Variants in KIF18A observed in about 807,000 individuals in gnomAD.
The protein encoded by KIF18A is kinesin family member 18A.
A neutral mutation model predicts 103.3 loss-of-function variants in KIF18A; 67 were observed. The observed-to-expected ratio is 0.65, with a 90% CI of 0.53 to 0.79. The LOEUF (loss-of-function observed/expected upper bound fraction) is 0.79. KIF18A is among the 30% of genes least tolerant of loss of function. The pLI, the probability that KIF18A is intolerant of heterozygous loss-of-function variation, is 0.00. For synonymous variants in KIF18A, 367 were observed against 355.5 expected, an observed-to-expected ratio of 1.03 and a Z score of -0.36; for missense variants, 1,032 against 1,062.5, an observed-to-expected ratio of 0.97 and a Z score of 0.40.
chr11:28,023,400 C>A (rs1044529238), intron 16 of KIF18A, among the ~76,000 whole-genome samples: 14 of 152,034 alleles, frequency 9.2e-5, no homozygotes, highest in African/African-American at 2.7e-4. Flanking sequence ...AGTTTATCTG[C>A]AAAATACACT....
At chr11:28,090,797 C>T in intron 4 of KIF18A, 70 bp from the exon 5 acceptor site, 1 of 731,280 alleles carries the variant, frequency 1.4e-6, no homozygotes, top group East Asian at 2.7e-5. Context: ...AATAAATGTT[C>T]AAAAAACAAA....
chr11:28,069,352 C>T lies in KIF18A; in HGVS notation c.1497G>A (p.Glu499=), dbSNP rs766790485. The T allele has an allele frequency of 1.9e-6, 3 of 1,613,414 alleles. No individual in the cohort carries two copies. The highest frequency in any genetic ancestry group is 2.2e-5 in the South Asian group (2 of 91,062). ...TRRSYLEKRR[E]EELKQFDENT... ...TCTCATCAAATTGCTTCAATTCCTC[C>T]TCCCTCCTTTTCTCCAGGTAGGAGC... Residue 499 remains glutamate (E), a synonymous_variant, in exon 11 of 17, where the codon GAG becomes GAA. Coordinates refer to ENST00000263181, the MANE Select transcript of KIF18A (RefSeq NM_031217.4).
At chr11:28,050,854 A>G (rs962855776) in intron 13 of KIF18A, among the ~76,000 whole-genome samples, 2 of 151,878 alleles carry the variant, frequency 1.3e-5, no homozygotes, top group African/African-American at 4.8e-5. Context: ...TAAAGATTTC[A>G]CGTCAAATAA....
At position 28,097,628 on chromosome 11, in the gene KIF18A, C is replaced by A. The variant is rs778814516; in HGVS notation, c.320G>T (p.Cys107Phe). ...ILRSFLNGYN[C>F]TVLAYGATGA... is the part of the protein sequence containing the mutation. ...TCCCAAATTGAAACAAATACCTGTG[C>A]AATTATATCCATTCAAAAAACTACG... Residue 107 changes from cysteine to phenylalanine, a missense_variant, in exon 2 of 17, where the codon TGC becomes TTC. Transcript: ENST00000263181. 1 of 1,582,584 alleles carries A rather than the reference C, an allele frequency of 6.3e-7. No individual in the cohort carries two copies. Among genetic ancestry groups the A allele is most frequent in the African/African-American group, 1.3e-5 (1 of 74,374 alleles).
rs540056118 is a variant in KIF18A at position 28,037,887 on chromosome 11, C to T, written c.1949-1223G>A. Among the ~76,000 whole-genome samples the T allele has an allele frequency of 3.3e-5, 5 of 151,544 alleles. No homozygotes were observed. The East Asian group carries it at 9.7e-4, about 29-fold the overall frequency. On this transcript the variant is annotated intron_variant, in intron 13 of 16. Coordinates refer to ENST00000263181, the MANE Select transcript of KIF18A (RefSeq NM_031217.4). ...TCTTCTTCCATCTAGTAAATGTACA[C>T]ATTTCCCTAAGGAGCTGTACTTGAC... is the stretch of plus-strand genomic sequence containing the variant.
intron 15 of KIF18A, among the ~76,000 whole-genome samples, chr11:28,028,477 C>A (rs1326156275): frequency 6.6e-6 from 1 of 151,908 alleles, no homozygotes; most frequent in African/African-American, 2.4e-5. Context: ...TCTTTGAAAC[C>A]AACGAGAACA....
rs538418849 is a variant in KIF18A, at chr11:28,076,940, A to G, written c.1425+67T>C. 1,425 of 791,892 alleles carry G rather than the reference A, an allele frequency of 1.8e-3. 2 individuals are homozygous for G. The highest frequency in any genetic ancestry group is 2.7e-3 in the Admixed American group (67 of 25,000). 49.1% of individuals were successfully genotyped at this position (791,892 alleles called of 1,614,324 possible). ...CAGAAGAAGAGACTCCTTCTGAAAA[A>G]AAAAAAAAAAAAAAAGCCCCCATGT... On this transcript the variant is annotated intron_variant, in intron 10 of 16. Transcript: ENST00000263181.
chr11:28,106,330 C>G (rs1377716411), intron 1 of KIF18A, among the ~76,000 whole-genome samples: 1 of 152,072 alleles, frequency 6.6e-6, no homozygotes, highest in Non-Finnish European at 1.5e-5. Flanking sequence ...AAACTCAAAC[C>G]TGAATTAGAT....
chr11:28,063,553 TAA>T, intron 11 of KIF18A, among the ~76,000 whole-genome samples: 1 of 152,126 alleles, frequency 6.6e-6, no homozygotes, highest in South Asian at 2.1e-4. Flanking sequence ...ATCTACCACC[TAA>T]AGTTACTTGT....
chr11:28,061,454 A>G (rs1487177951), intron 12 of KIF18A, among the ~76,000 whole-genome samples: 2 of 152,206 alleles, frequency 1.3e-5, no homozygotes, highest in Admixed American at 6.5e-5. Flanking sequence ...AAGATAGTAT[A>G]TTCATCTGGG....
chr11:28,048,666 T>G (rs1308480533), intron 13 of KIF18A, among the ~76,000 whole-genome samples: 1 of 152,118 alleles, frequency 6.6e-6, no homozygotes, highest in Admixed American at 6.6e-5. Flanking sequence ...AAATATTTAT[T>G]GCTAAGACAG....
Position 28,036,296 on chromosome 11 carries a change from A to G in KIF18A, c.2317T>C (p.Cys773Arg). The change falls in exon 14 of 17, where the codon TGT (cysteine) becomes CGT (arginine). Residue 773 changes from cysteine to arginine, a missense_variant. Physicochemically the swap from Cys to Arg is radical, Grantham distance 180. Coordinates refer to ENST00000263181, the MANE Select transcript of KIF18A (RefSeq NM_031217.4). ...QEDLDSTFTI[C>R]EDIKSSKCKL... The stretch of plus-strand genomic sequence containing the variant: ...CACTTCGAGCTCTTGATGTCTTCAC[A>G]TATAGTAAATGTAGAGTCCAAGTCC... The G allele has an allele frequency of 3.7e-6, 6 of 1,610,634 alleles. No individual in the cohort carries two copies. Among genetic ancestry groups the G allele is most frequent in the Non-Finnish European group, 4.2e-6 (5 of 1,177,896 alleles).
At chr11:28,028,348 C>G (rs563912889) in intron 15 of KIF18A, among the ~76,000 whole-genome samples, 1 of 152,192 alleles carries the variant, frequency 6.6e-6, no homozygotes, top group East Asian at 1.9e-4. Context: ...ACAGTGCAAT[C>G]AAACTAGAAC....
intron 3 of KIF18A, among the ~76,000 whole-genome samples, chr11:28,093,054 A>G (rs1296813838): frequency 6.6e-6 from 1 of 152,216 alleles, no homozygotes; most frequent in African/African-American, 2.4e-5. Flanking sequence ...CTATTTTTAA[A>G]AAGTTCTATA....
At chr11:28,091,889 C>T (rs1453560882) in intron 3 of KIF18A, among the ~76,000 whole-genome samples, 15 of 152,190 alleles carry the variant, frequency 9.9e-5, no homozygotes, top group Admixed American at 9.8e-4. Flanking sequence ...AATCTCGGCT[C>T]ACTGCAAGCT....
chr11:28,023,930 T>C (rs1850278980), intron 15 of KIF18A, 80 bp from the exon 16 acceptor site: 1 of 586,422 alleles, frequency 1.7e-6, no homozygotes, highest in Admixed American at 3.3e-5. Context: ...CATGCGACAA[T>C]GATTAAAGAA....
Position 28,088,605 on chromosome 11 carries a change from C to A in KIF18A, c.816G>T (p.Gly272=), listed in dbSNP as rs1365043624. Residue 272 remains glycine, a synonymous_variant, in exon 6 of 17, where the codon GGG becomes GGT. Coordinates refer to ENST00000263181, the MANE Select transcript of KIF18A (RefSeq NM_031217.4). The part of the protein sequence containing the change: ...SERASTSGAK[G]TRFVEGTNIN... ...TATTTGTGCCTTCTACAAATCGGGT[C>A]CCCTTAGCACCGGAAGTACTTGCTC... The A allele has an allele frequency of 6.2e-7, 1 of 1,613,848 alleles. No individual in the cohort carries two copies. Among genetic ancestry groups the A allele is most frequent in the Non-Finnish European group, 8.5e-7 (1 of 1,179,924 alleles).
At chr11:28,038,382 C>T (rs1388252351) in intron 13 of KIF18A, among the ~76,000 whole-genome samples, 2 of 151,616 alleles carry the variant, frequency 1.3e-5, no homozygotes, top group African/African-American at 4.8e-5. Flanking sequence ...TCTACTCTAC[C>T]TACTTCATTC....
At chr11:28,054,383 G>A (rs1223942139) in intron 13 of KIF18A, among the ~76,000 whole-genome samples, 1 of 151,994 alleles carries the variant, frequency 6.6e-6, no homozygotes, top group African/African-American at 2.4e-5. Flanking sequence ...GCCAAGTTTT[G>A]TATTTTTTGT....
Sources: gnomAD v4.1 joint callset for allele counts (sites outside exome capture counted in the v4.1 genomes callset) on GRCh38, gnomAD v4.1.1 for gene constraint, MANE v1.5 for transcripts, NCBI Gene and HGNC (gene_info 2026-07-23, HGNC 2026-07-21) for gene names.